SLC6A11: variants seen among roughly 807,000 people sequenced by gnomAD.
SLC6A11 encodes the protein solute carrier family 6 member 11.
In SLC6A11, 25 loss-of-function variants were observed where a neutral mutation model predicts 74.8. The ratio of observed to expected loss-of-function variants is 0.33; its 90% CI spans 0.24 to 0.47. The LOEUF (loss-of-function observed/expected upper bound fraction) is 0.47. Among genes scored for constraint, SLC6A11 ranks in the 20% least tolerant of loss-of-function variants. The pLI, the probability that SLC6A11 is intolerant of heterozygous loss-of-function variation, is 1.00. For missense variants in SLC6A11, 574 were observed against 837.0 expected (o/e 0.69, Z 3.88); for synonymous variants, 330 against 330.2 (o/e 1.00, Z 0.01).
At chr3:10,934,197 C>T in intron 12 of SLC6A11, 31 bp downstream of exon 12, 1 of 1,436,430 alleles carries the variant, frequency 7.0e-7, no homozygotes, top group Non-Finnish European at 9.8e-7. Flanking sequence ...CACCTCCAGC[C>T]ATCTACCCAC....
At chr3:10,879,264 C>G (rs1034265140) in intron 6 of SLC6A11, among the ~76,000 whole-genome samples, 2 of 152,142 alleles carry the variant, frequency 1.3e-5, no homozygotes, top group Non-Finnish European at 2.9e-5. Context: ...CCAAAAGCAA[C>G]TATGTCCCCA....
At chr3:10,885,956 C>T (rs1695037469) in intron 6 of SLC6A11, among the ~76,000 whole-genome samples, 1 of 152,188 alleles carries the variant, frequency 6.6e-6, no homozygotes. Flanking sequence ...CCAGCACTCC[C>T]ACTGTGGATT....
At chr3:10,892,377 C>A (rs139203839) in intron 6 of SLC6A11, among the ~76,000 whole-genome samples, 1 of 152,306 alleles carries the variant, frequency 6.6e-6, no homozygotes, top group Non-Finnish European at 1.5e-5. Context: ...TGCTCAGCCT[C>A]CTATGCTGTA....
intron 4 of SLC6A11, among the ~76,000 whole-genome samples, chr3:10,839,653 TG>T (rs908343785): frequency 2.0e-5 from 3 of 152,224 alleles, no homozygotes; most frequent in African/African-American, 7.2e-5. Context: ...CCCCAAAGGC[TG>T]AGGGCTCAAG....
intron 10 of SLC6A11, among the ~76,000 whole-genome samples, chr3:10,929,787 A>G (rs777457129): frequency 1.3e-5 from 2 of 152,166 alleles, no homozygotes; most frequent in Non-Finnish European, 2.9e-5. Context: ...TTTGGGCACC[A>G]TGTGCACCAG....
rs1694764781 is a variant in SLC6A11, at chr3:10,866,541, C to G, written c.757-8420C>G. On this transcript the variant is annotated intron_variant, in intron 5 of 13. Coordinates refer to ENST00000254488, the MANE Select transcript of SLC6A11 (RefSeq NM_014229.3). ...AGGGATAGTGCCCTGAAACGTGGATCCCACATGGGTCAGTGTTTAGTTAGA... is the reference window on the plus strand; with the variant it reads ...AGGGATAGTGCCCTGAAACGTGGATGCCACATGGGTCAGTGTTTAGTTAGA... Among the ~76,000 whole-genome samples, 4 of 152,290 alleles carry G rather than the reference C, an allele frequency of 2.6e-5. No individual in the cohort carries two copies. In the South Asian group the frequency reaches 6.2e-4, roughly 24 times the overall value.
chr3:10,935,194 C>G lies in SLC6A11; in HGVS notation c.1741C>G (p.Pro581Ala). Residue 581 changes from proline (P) to alanine (A), a missense_variant, in exon 13 of 14, where the codon CCC (proline) becomes GCC (alanine). This residue lies in a region of SLC6A11 where 257 missense variants were observed against 341.5 expected (regional missense o/e 0.75). Coordinates refer to ENST00000254488, the MANE Select transcript of SLC6A11 (RefSeq NM_014229.3). The part of the protein sequence containing the change: ...ITVWKTEGTL[P>A]EKLQKLTTPS... ...AGTGTGGAAGACGGAGGGGACACTGCCCGAGGTGAGACCGCCCCAGGAGGG... is the reference window on the plus strand; with the variant it reads ...AGTGTGGAAGACGGAGGGGACACTGGCCGAGGTGAGACCGCCCCAGGAGGG... 1 of 1,613,930 alleles carries G rather than the reference C, an allele frequency of 6.2e-7. No homozygotes were observed. The highest frequency in any genetic ancestry group is 8.5e-7 in the Non-Finnish European group (1 of 1,179,890).
intron 4 of SLC6A11, among the ~76,000 whole-genome samples, chr3:10,840,079 A>C (rs1056748377): frequency 6.6e-6 from 1 of 152,114 alleles, no homozygotes; most frequent in Admixed American, 6.5e-5. Context: ...CACACATCTG[A>C]TGGGGACTCA....
At chr3:10,911,041 C>T (rs1304957798) in intron 6 of SLC6A11, among the ~76,000 whole-genome samples, 1 of 152,124 alleles carries the variant, frequency 6.6e-6, no homozygotes, top group African/African-American at 2.4e-5. Context: ...AGGCTGCTCT[C>T]ACCCCCTCCT....
At chr3:10,929,179 C>A in intron 9 of SLC6A11, 23 bp from the exon 10 acceptor site, 1 of 1,612,194 alleles carries the variant, frequency 6.2e-7, no homozygotes, top group Non-Finnish European at 8.5e-7. Flanking sequence ...TTGAGTTTCA[C>A]ACCATCATAT....
chr3:10,870,126 T>C (rs1016039844), intron 5 of SLC6A11, among the ~76,000 whole-genome samples: 1 of 152,182 alleles, frequency 6.6e-6, no homozygotes, highest in African/African-American at 2.4e-5. Flanking sequence ...CTCCAGCCCA[T>C]GTTCACAGAC....
At chr3:10,852,977 C>T (rs1380923759) in intron 5 of SLC6A11, among the ~76,000 whole-genome samples, 1 of 152,142 alleles carries the variant, frequency 6.6e-6, no homozygotes, top group Non-Finnish European at 1.5e-5. Context: ...AGTCAGGAGC[C>T]CTGCCCCGCC....
At chr3:10,881,067 A>G (rs1490709910) in intron 6 of SLC6A11, among the ~76,000 whole-genome samples, 1 of 152,182 alleles carries the variant, frequency 6.6e-6, no homozygotes, top group Non-Finnish European at 1.5e-5. Context: ...TAATCATCTG[A>G]GTACCAGAGC....
intron 5 of SLC6A11, among the ~76,000 whole-genome samples, chr3:10,853,097 A>C (rs1042848015): frequency 7.2e-5 from 11 of 152,228 alleles, no homozygotes; most frequent in Admixed American, 2.6e-4. Flanking sequence ...GTGGCAGTGG[A>C]GTGTCGTTAC....
intron 5 of SLC6A11, among the ~76,000 whole-genome samples, chr3:10,848,629 T>C (rs951804494): frequency 6.6e-6 from 1 of 152,220 alleles, no homozygotes; most frequent in Admixed American, 6.5e-5. Flanking sequence ...TTTGGGCTCC[T>C]TGGGAGGTGC....
Position 10,816,488 on chromosome 3 carries a change from C to A in SLC6A11, c.223C>A (p.Arg75Ser). ...GEIIGLGNVW[R>S]FPYLCYKNGG... ...GATCATTGGGCTGGGCAACGTGTGGCGCTTCCCCTACCTGTGCTACAAGAA... is the reference window on the plus strand; with the variant it reads ...GATCATTGGGCTGGGCAACGTGTGGAGCTTCCCCTACCTGTGCTACAAGAA... Residue 75 changes from arginine to serine, a missense_variant, in exon 1 of 14, where the codon CGC becomes AGC. Arg to Ser is a moderately radical substitution (Grantham distance 110). Coordinates refer to ENST00000254488, the MANE Select transcript of SLC6A11 (RefSeq NM_014229.3). The surrounding 1 kb of genome is among the most constrained non-coding windows in gnomAD (Gnocchi z 4.2). The A allele has an allele frequency of 6.2e-7, 1 of 1,604,282 alleles. No individual in the cohort carries two copies. The highest frequency in any genetic ancestry group is 8.5e-7 in the Non-Finnish European group (1 of 1,175,762).
chr3:10,937,375 C>T (rs963614906), intron 13 of SLC6A11, among the ~76,000 whole-genome samples: 14 of 152,218 alleles, frequency 9.2e-5, no homozygotes, highest in Non-Finnish European at 2.9e-5. Flanking sequence ...ACCTATTAAT[C>T]GCACAGGTGA....
intron 6 of SLC6A11, among the ~76,000 whole-genome samples, chr3:10,894,209 C>T (rs755656204): frequency 6.6e-6 from 1 of 152,178 alleles, no homozygotes; most frequent in Non-Finnish European, 1.5e-5. Context: ...CAGGATGCTC[C>T]GTTAGTCAGA....
chr3:10,896,111 G>T (rs1695168240), intron 6 of SLC6A11, among the ~76,000 whole-genome samples: 1 of 152,234 alleles, frequency 6.6e-6, no homozygotes, highest in Non-Finnish European at 1.5e-5. Flanking sequence ...GGCTGGGCAG[G>T]GCCAGCTGTT....
Sources: gnomAD v4.1 joint callset for allele counts (sites outside exome capture counted in the v4.1 genomes callset) on GRCh38, gnomAD v4.1.1 for gene constraint, gnomAD v4.1.1 regional missense constraint, Gnocchi (gnomAD v3.1) non-coding constraint, MANE v1.5 for transcripts, NCBI Gene and HGNC (gene_info 2026-07-23, HGNC 2026-07-21) for gene names.